ATP8A2: variants seen among roughly 807,000 people sequenced by gnomAD.
ATP8A2 encodes the protein ATPase phospholipid transporting 8A2, also known as phospholipid-transporting ATPase IB.
Under a neutral mutation model 165.6 loss-of-function variants are expected in ATP8A2, and 100 were observed. The observed-to-expected ratio is 0.60, with a 90% CI of 0.51 to 0.71. ATP8A2 has a LOEUF of 0.71. Ranked by LOEUF, ATP8A2 falls within the 30% of genes least tolerant of loss-of-function variation. The pLI is 0.00. For synonymous variants in ATP8A2, 543 were observed against 548.8 expected (o/e 0.99, Z 0.15); for missense variants, 1,227 against 1,479.5 (o/e 0.83, Z 2.80).
At chr13:25,531,289 G>GATATATATGATATATATGAT (rs2038059749) in intron 4 of ATP8A2, among the ~76,000 whole-genome samples, 2 of 62,544 alleles carry the variant, frequency 3.2e-5, no homozygotes, top group African/African-American at 1.2e-4. Flanking sequence ...TGTTATATAT[G>GATATATATGATATATATGAT]ATATATATGT....
intron 33 of ATP8A2, among the ~76,000 whole-genome samples, chr13:25,889,621 A>G (rs975306078): frequency 1.3e-5 from 2 of 151,106 alleles, no homozygotes; most frequent in Non-Finnish European, 2.9e-5. Flanking sequence ...TCCCCAGTGC[A>G]TGACCACTCC....
intron 2 of ATP8A2, among the ~76,000 whole-genome samples, chr13:25,505,439 T>G (rs936373375): frequency 2.0e-5 from 3 of 152,238 alleles, no homozygotes; most frequent in African/African-American, 7.2e-5. Flanking sequence ...TTTTGTGTTT[T>G]ACAACTGTTA....
chr13:25,399,031 GT>G (rs1235924819), intron 1 of ATP8A2, among the ~76,000 whole-genome samples: 1 of 152,184 alleles, frequency 6.6e-6, no homozygotes, highest in African/African-American at 2.4e-5. Flanking sequence ...GTTTACAACA[GT>G]GATCACGAAA....
At chr13:25,514,188 A>G (rs1432431648) in intron 2 of ATP8A2, among the ~76,000 whole-genome samples, 1 of 152,154 alleles carries the variant, frequency 6.6e-6, no homozygotes, top group Non-Finnish European at 1.5e-5. Flanking sequence ...TCCAATTGCC[A>G]ATAGCCATTT....
intron 25 of ATP8A2, among the ~76,000 whole-genome samples, chr13:25,711,773 A>G (rs1034732774): frequency 1.2e-4 from 18 of 152,194 alleles, no homozygotes; most frequent in Non-Finnish European, 2.4e-4. Flanking sequence ...ATCCAGATTT[A>G]TAGTCATTTA....
intron 24 of ATP8A2, among the ~76,000 whole-genome samples, chr13:25,692,509 G>A (rs1242264575): frequency 6.6e-6 from 1 of 152,206 alleles, no homozygotes; most frequent in African/African-American, 2.4e-5. Flanking sequence ...CTGCAAATCG[G>A]TAGAAATGCA....
rs553804100 is a variant in ATP8A2, at chr13:25,700,645, G to A, written c.2384+1300G>A. ...GTTTTTTACCCTTTTTGACTGTTAC[G>A]TGTAATGCTACTGTGAAGATTGATG... On this transcript the variant is annotated intron_variant, in intron 25 of 36. Coordinates refer to ENST00000381655, the MANE Select transcript of ATP8A2 (RefSeq NM_016529.6). 2.6e-5 allele frequency among the ~76,000 whole-genome samples: 4 copies of A among 152,244 alleles called. No individual in the cohort carries two copies. In the East Asian group the frequency reaches 5.8e-4, roughly 22 times the overall value.
At chr13:25,808,840 C>G (rs544182694) in intron 27 of ATP8A2, among the ~76,000 whole-genome samples, 3 of 152,028 alleles carry the variant, frequency 2.0e-5, no homozygotes, top group Non-Finnish European at 4.4e-5. Flanking sequence ...TTAACTTTTA[C>G]AAACCACTGT....
rs779329248 is a variant in ATP8A2, at chr13:25,827,500, G to A, written c.2680-618G>A. On this transcript the variant is annotated intron_variant, in intron 27 of 36. Coordinates refer to ENST00000381655, the MANE Select transcript of ATP8A2 (RefSeq NM_016529.6). ...GTTTTTATATCAGTCTTGCCTAATC[G>A]GTTAGAATCATAGACTACTTGAAGG... is the stretch of plus-strand genomic sequence containing the variant. 8.5e-5 allele frequency among the ~76,000 whole-genome samples: 13 copies of A among 152,134 alleles called. No homozygotes were observed. In the East Asian group the frequency reaches 1.2e-3, roughly 14 times the overall value.
chr13:25,653,440 G>C (rs1289025188), intron 24 of ATP8A2, among the ~76,000 whole-genome samples: 1 of 152,088 alleles, frequency 6.6e-6, no homozygotes, highest in Non-Finnish European at 1.5e-5. Context: ...ACAGACACTG[G>C]GGCTTACTGG....
chr13:25,741,430 G>C (rs2043908345), intron 25 of ATP8A2, among the ~76,000 whole-genome samples: 2 of 152,188 alleles, frequency 1.3e-5, no homozygotes. Context: ...GCCCAGGCTG[G>C]AGTGCAATGG....
intron 33 of ATP8A2, among the ~76,000 whole-genome samples, chr13:25,961,144 A>C (rs748772394): frequency 5.9e-5 from 9 of 152,204 alleles, no homozygotes; most frequent in Non-Finnish European, 1.2e-4. Flanking sequence ...CCTTGTACCA[A>C]GTAGCGATGA....
intron 30 of ATP8A2, among the ~76,000 whole-genome samples, chr13:25,853,052 G>A (rs1952049299): frequency 6.6e-6 from 1 of 152,064 alleles, no homozygotes; most frequent in African/African-American, 2.4e-5. Flanking sequence ...GCTAATATGT[G>A]TAAAGTGCTT....
intron 33 of ATP8A2, among the ~76,000 whole-genome samples, chr13:25,881,449 A>G (rs1952975848): frequency 6.6e-6 from 1 of 152,054 alleles, no homozygotes. Flanking sequence ...CCCATTCCAC[A>G]CTTTCTTTAG....
intron 24 of ATP8A2, among the ~76,000 whole-genome samples, chr13:25,599,157 A>G (rs2040315128): frequency 6.6e-6 from 1 of 152,162 alleles, no homozygotes; most frequent in African/African-American, 2.4e-5. Flanking sequence ...ACATGTGCAT[A>G]AATTAGCATT....
chr13:25,662,585 T>C (rs970201601), intron 24 of ATP8A2, among the ~76,000 whole-genome samples: 2 of 152,210 alleles, frequency 1.3e-5, no homozygotes, highest in Non-Finnish European at 2.9e-5. Flanking sequence ...AAGCTGACTG[T>C]AAATGAACAG....
At chr13:25,870,722 A>G (rs1300581426) in intron 33 of ATP8A2, among the ~76,000 whole-genome samples, 1 of 152,188 alleles carries the variant, frequency 6.6e-6, no homozygotes, top group African/African-American at 2.4e-5. Flanking sequence ...GACTATGGAA[A>G]GCAGCTACAG....
intron 24 of ATP8A2, among the ~76,000 whole-genome samples, chr13:25,626,162 C>G (rs1012384686): frequency 6.6e-6 from 1 of 152,134 alleles, no homozygotes. Flanking sequence ...TGGGAATACA[C>G]GATTAGAAAG....
chr13:25,972,084 CA>C (rs1301828756), intron 35 of ATP8A2, among the ~76,000 whole-genome samples: 2 of 151,848 alleles, frequency 1.3e-5, no homozygotes, highest in Non-Finnish European at 2.9e-5. Context: ...GGAAGTAGAA[CA>C]AAAAAAATCT....
Sources: allele counts gnomAD v4.1 joint callset (sites outside exome capture counted in the v4.1 genomes callset), GRCh38; gene constraint gnomAD v4.1.1; transcripts MANE v1.5; gene names NCBI Gene and HGNC (gene_info 2026-07-23, HGNC 2026-07-21).